Variants in NEURL4 observed in about 807,000 individuals in gnomAD.
NEURL4 encodes neuralized E3 ubiquitin protein ligase 4, also known as neuralized-like protein 4.
Under a neutral mutation model 148.0 loss-of-function variants are expected in NEURL4, and 45 were observed. The observed-to-expected ratio is 0.30, with a 90% confidence interval of 0.24 to 0.39. NEURL4 has a LOEUF of 0.39. Among genes scored for constraint, NEURL4 ranks in the 10% least tolerant of loss-of-function variants. The pLI is 1.00. For missense variants in NEURL4, 1,776 were observed against 2,144.0 expected, an observed-to-expected ratio of 0.83 and a Z score of 3.39; for synonymous variants, 854 against 869.0, an observed-to-expected ratio of 0.98 and a Z score of 0.30.
At chr17:7,317,422 C>T (rs903040820) in intron 27 of NEURL4, 39 bp downstream of exon 27, 5 of 1,613,014 alleles carry the variant, frequency 3.1e-6, no homozygotes, top group Middle Eastern at 3.3e-4. Flanking sequence ...CACAGCCCCC[C>T]AGGCTCAGCC....
Position 7,316,143 on chromosome 17 carries a change from G to A in NEURL4, c.4669C>T (p.Leu1557=), listed in dbSNP as rs374633373. 8.1e-5 allele frequency: 126 copies of A among 1,562,086 alleles called. No homozygotes were observed. The highest frequency in any genetic ancestry group is 1.1e-4 in the Non-Finnish European group (120 of 1,132,522). ...KEKGATLLCA[L]LVRVE is the part of the protein sequence containing the mutation. ...ACCCCTCATTCCACCCGTACCAGCA[G>A]GGCACAGAGGAGTGTGGCCCCCTTC... Residue 1557 remains leucine (L), a synonymous_variant, in exon 29 of 29, where the codon CTG becomes TTG. Transcript: ENST00000399464.
chr17:7,326,557 G>A lies in NEURL4; in HGVS notation c.1093-9C>T. ...AGCTTGTCGATACGGATCTGGCATT[G>A]AGGGACAGAAGGGAGAAGCAGGGAA... On this transcript the variant is annotated splice_polypyrimidine_tract_variant and intron_variant, in intron 4 of 28. Transcript: ENST00000399464. The surrounding 1 kb of genome is among the most constrained non-coding windows in gnomAD (Gnocchi z 6.0). The A allele has an allele frequency of 7.4e-6, 12 of 1,613,346 alleles. No homozygotes were observed. The highest frequency in any genetic ancestry group is 1.0e-5 in the Non-Finnish European group (12 of 1,179,336).
Position 7,324,331 on chromosome 17 carries a change from G to C in NEURL4, c.1900-61C>G. On this transcript the variant is annotated intron_variant, in intron 10 of 28. Coordinates refer to ENST00000399464, the MANE Select transcript of NEURL4 (RefSeq NM_032442.3). The surrounding 1 kb of genome is among the most constrained non-coding windows in gnomAD (Gnocchi z 5.9). ...CAGAGTTCCTGCCGGGGCTGGTCCTGCATCAGCCCCGCGGTGTTTGTGATG... is the reference window on the plus strand; with the variant it reads ...CAGAGTTCCTGCCGGGGCTGGTCCTCCATCAGCCCCGCGGTGTTTGTGATG... The C allele has an allele frequency of 6.2e-7, 1 of 1,613,806 alleles. No individual in the cohort carries two copies. Among genetic ancestry groups the C allele is most frequent in the Non-Finnish European group, 8.5e-7 (1 of 1,179,868 alleles).
Position 7,318,526 on chromosome 17 carries a change from G to A in NEURL4, c.3833C>T (p.Ala1278Val), listed in dbSNP as rs201910864. Residue 1278 changes from alanine to valine, a missense_variant, in exon 23 of 29, where the codon GCG becomes GTG. Physicochemically the swap from Ala to Val is moderately conservative, Grantham distance 64. Coordinates refer to ENST00000399464, the MANE Select transcript of NEURL4 (RefSeq NM_032442.3). This position sits in a 1 kb window ranked among gnomAD's most constrained non-coding sequence, Gnocchi z 4.3. ...AVPDVPQPCH[A>V]LVDLYGQCEQ... The stretch of plus-strand genomic sequence containing the variant: ...ACACTGCCCATAGAGGTCCACAAGC[G>A]CATGGCAGGGCTGGGGCACATCTGG... The A allele has an allele frequency of 4.1e-5, 66 of 1,611,650 alleles. No homozygotes were observed. The highest frequency in any genetic ancestry group is 2.2e-4 in the East Asian group (10 of 44,870).
intron 8 of NEURL4, 64 bp downstream of exon 8, chr17:7,325,145 G>GGGGGGGGGGGGGGC: frequency 1.2e-6 from 1 of 830,664 alleles, no homozygotes; most frequent in Non-Finnish European, 1.8e-6. Context: ...CCACTTCCTT[G>GGGGGGGGGGGGGGC]CCCCGCCCCC....
rs1277151468 is a variant in NEURL4, at chr17:7,321,738, C to T, written c.2921G>A (p.Gly974Glu). Residue 974 changes from glycine (G) to glutamate (E), a missense_variant, in exon 18 of 29, where the codon GGG becomes GAG. Gly to Glu is a moderately conservative substitution (Grantham distance 98, BLOSUM62 -2). Coordinates refer to ENST00000399464, the MANE Select transcript of NEURL4 (RefSeq NM_032442.3). This position sits in a 1 kb window ranked among gnomAD's most constrained non-coding sequence, Gnocchi z 6.3. ...DEKWAGSLRLGLTTLAPGEMG... is the reference protein window; with the variant it reads ...DEKWAGSLRLELTTLAPGEMG... ...CTCCCCCGGTGCTAGTGTGGTCAGC[C>T]CCAGCCGCAGGGAACCTGCCCACTT... 1 of 1,613,690 alleles carries T rather than the reference C, an allele frequency of 6.2e-7. No individual in the cohort carries two copies. Among genetic ancestry groups the T allele is most frequent in the Non-Finnish European group, 8.5e-7 (1 of 1,180,036 alleles).
chr17:7,316,376 T>C, intron 28 of NEURL4, 49 bp from the exon 29 acceptor site: 1 of 1,469,948 alleles, frequency 6.8e-7, no homozygotes, highest in South Asian at 1.2e-5. Context: ...CCCCATCACC[T>C]CCCCCTTGCA....
chr17:7,317,346 C>A lies in NEURL4; in HGVS notation c.4343G>T (p.Arg1448Leu). Residue 1448 changes from arginine to leucine, a missense_variant, in exon 28 of 29, where the codon CGT becomes CTT. By Grantham distance (102) the Arg-to-Leu change is moderately radical. Transcript: ENST00000399464. ...TACCCCAGGTTCTCCCTTCAAAGGACGGCAGCTCAGGATGGAGGCAGTACC... is the reference window on the plus strand; with the variant it reads ...TACCCCAGGTTCTCCCTTCAAAGGAAGGCAGCTCAGGATGGAGGCAGTACC... ...GAGTASILSC[R>L]PLKGEPGVGF... is the part of the protein sequence containing the mutation. The A allele has an allele frequency of 6.4e-7, 1 of 1,555,268 alleles. No individual in the cohort carries two copies. Among genetic ancestry groups the A allele is most frequent in the East Asian group, 2.3e-5 (1 of 44,336 alleles).
chr17:7,320,307 AT>A (rs1285506754), intron 21 of NEURL4, among the ~76,000 whole-genome samples: 2 of 151,176 alleles, frequency 1.3e-5, no homozygotes, highest in African/African-American at 4.9e-5. Context: ...GAATTTTTGT[AT>A]TTTTTTTGTA....
At chr17:7,328,956 G>T in intron 1 of NEURL4, 75 bp downstream of exon 1, 1 of 1,375,228 alleles carries the variant, frequency 7.3e-7, no homozygotes, top group Non-Finnish European at 9.6e-7. Context: ...GGCTACCCTG[G>T]CTGTCCTACC....
At chr17:7,323,441 G>C in intron 14 of NEURL4, 44 bp downstream of exon 14, 1 of 1,597,788 alleles carries the variant, frequency 6.3e-7, no homozygotes, top group Non-Finnish European at 8.6e-7. Context: ...ATCCCAGCCA[G>C]CTCCACTCAG....
intron 1 of NEURL4, 84 bp downstream of exon 1, chr17:7,328,947 G>C (rs1597641210): frequency 8.3e-6 from 11 of 1,325,884 alleles, no homozygotes; most frequent in Non-Finnish European, 9.9e-6. Context: ...GGCAATGTGG[G>C]CTACCCTGGC....
Position 7,324,973 on chromosome 17 carries a change from C to A in NEURL4, c.1639G>T (p.Asp547Tyr). 1 of 1,614,054 alleles carries A rather than the reference C, an allele frequency of 6.2e-7. No individual in the cohort carries two copies. The highest frequency in any genetic ancestry group is 8.5e-7 in the Non-Finnish European group (1 of 1,179,996). Residue 547 changes from aspartate (D) to tyrosine (Y), a missense_variant, in exon 9 of 29, where the codon GAT becomes TAT. Coordinates refer to ENST00000399464, the MANE Select transcript of NEURL4 (RefSeq NM_032442.3). This position sits in a 1 kb window ranked among gnomAD's most constrained non-coding sequence, Gnocchi z 5.9. ...AGCACCACGCCGTGATTGAAGTCAT[C>A]GGTGGCACTGAGGGCACAGCAAGTG... ...GRTALRPHAT[D>Y]DFNHGVVLSS...
chr17:7,325,020 C>T lies in NEURL4; in HGVS notation c.1632-40G>A, dbSNP rs76384764. 3,936 of 1,607,334 alleles carry T rather than the reference C, an allele frequency of 2.4e-3. 88 individuals are homozygous for T. In the African/African-American group the frequency reaches 0.046, roughly 19 times the overall value. Reference sequence around the variant, plus strand: ...AGTGGAGAGTCAGATCCCCAACACACGCTCTCAATGTGCCAAGGCTTAGCC... The same window carrying T: ...AGTGGAGAGTCAGATCCCCAACACATGCTCTCAATGTGCCAAGGCTTAGCC... On this transcript the variant is annotated intron_variant, in intron 8 of 28. Transcript: ENST00000399464.
Position 7,329,127 on chromosome 17 carries a change from C to T in NEURL4, c.186G>A (p.Arg62=), listed in dbSNP as rs2073140800. Residue 62 remains arginine, a synonymous_variant, in exon 1 of 29, where the codon CGG becomes CGA. Coordinates refer to ENST00000399464, the MANE Select transcript of NEURL4 (RefSeq NM_032442.3). ...TAAACTCCTGGCCCGGCTGCTGCCG[C>T]CGCGCCGTACGCCCACAGGCCGACA... ...VSLSACGRTA[R]RQQPGQEFNH... 1 of 1,609,738 alleles carries T rather than the reference C, an allele frequency of 6.2e-7. No individual in the cohort carries two copies. The highest frequency in any genetic ancestry group is 8.5e-7 in the Non-Finnish European group (1 of 1,179,218).
In NEURL4 at chr17:7,325,444, C is replaced by A; in HGVS notation, c.1396G>T (p.Val466Leu). 6.2e-7 allele frequency: 1 copy of A among 1,612,480 alleles called. No homozygotes were observed. The change falls in exon 8 of 29, where the codon GTG becomes TTG. Residue 466 changes from valine (V) to leucine (L), a missense_variant. Transcript: ENST00000399464. The stretch of plus-strand genomic sequence containing the variant: ...CCGTACAAGTCCACCACACCATACA[C>A]CACTGGGGGCGTCAAGGGGGTTGCC... Reference protein sequence around the residue: ...GVATPLTPPVVYGVVDLYGMA... With the variant: ...GVATPLTPPVLYGVVDLYGMA...
chr17:7,315,980 A>AGCCT lies in NEURL4; in HGVS notation c.*139_*142dup. 1 of 635,148 alleles carries AGCCT rather than the reference A, an allele frequency of 1.6e-6. No individual in the cohort carries two copies. Among genetic ancestry groups the AGCCT allele is most frequent in the Non-Finnish European group, 2.9e-6 (1 of 348,552 alleles). The allele number at this position is 635,148 out of a possible 1,614,324, so 39.3% of individuals were successfully genotyped here. A position where few individuals can be genotyped will look rare whatever the true frequency, so the allele number is the denominator to read the frequency against. On this transcript the variant is annotated 3_prime_UTR_variant, in exon 29 of 29. Transcript: ENST00000399464. ...GTGCCACTTGCCACCTACATCTGAG[A>AGCCT]GCCTGCCTACATGCTCCTGCGCGGC...
Position 7,321,099 on chromosome 17 carries a change from T to C in NEURL4, c.3360+13A>G. Reference sequence around the variant, plus strand: ...CATCCATGTGCACAGCAGACCATGCTGCAGCCTCTTACTCCCAGGCCATGC... The same window carrying C: ...CATCCATGTGCACAGCAGACCATGCCGCAGCCTCTTACTCCCAGGCCATGC... On this transcript the variant is annotated intron_variant, in intron 20 of 28. Coordinates refer to ENST00000399464, the MANE Select transcript of NEURL4 (RefSeq NM_032442.3). This position sits in a 1 kb window ranked among gnomAD's most constrained non-coding sequence, Gnocchi z 6.3. 1 of 1,612,478 alleles carries C rather than the reference T, an allele frequency of 6.2e-7. No homozygotes were observed. Among genetic ancestry groups the C allele is most frequent in the Non-Finnish European group, 8.5e-7 (1 of 1,179,188 alleles).
chr17:7,325,309 C>T lies in NEURL4; in HGVS notation c.1531G>A (p.Ala511Thr), dbSNP rs536465356. 1.2e-4 allele frequency: 201 copies of T among 1,611,646 alleles called. 1 individual carries two copies. The South Asian group carries it at 2.1e-3, about 17-fold the overall frequency. The change falls in exon 8 of 29, where the codon GCC becomes ACC. Residue 511 changes from alanine to threonine, a missense_variant. Transcript: ENST00000399464. ...LSPEGALRRA[A>T]PAAQAEPERL... is the part of the protein sequence containing the mutation. ...TCAGGTTCTGCCTGGGCGGCAGGGG[C>T]AGCACGGCGGAGAGCACCCTCGGGG...
Sources: gnomAD v4.1 joint callset for allele counts (sites outside exome capture counted in the v4.1 genomes callset) on GRCh38, gnomAD v4.1.1 for gene constraint, Gnocchi (gnomAD v3.1) non-coding constraint, MANE v1.5 for transcripts, NCBI Gene and HGNC (gene_info 2026-07-23, HGNC 2026-07-21) for gene names.